Variants in CCR5AS observed in about 807,000 individuals in gnomAD.
The protein encoded by CCR5AS is CCR5 antisense RNA.
At chr3:46,400,820 A>G (rs1362733858) in intron 1 of CCR5AS, among the ~76,000 whole-genome samples, 1 of 152,210 alleles carries the variant, frequency 6.6e-6, no homozygotes, top group Non-Finnish European at 1.5e-5. Context: ...TGGAGCAGAG[A>G]GCAATGTAGT....
chr3:46,397,603 A>G (rs1701971812), intron 1 of CCR5AS, among the ~76,000 whole-genome samples: 1 of 152,188 alleles, frequency 6.6e-6, no homozygotes, highest in Non-Finnish European at 1.5e-5. Flanking sequence ...TCAGCCCACT[A>G]GACCCCATCA....
At chr3:46,370,396 G>A (rs1459759542) in intron 3 of CCR5AS, among the ~76,000 whole-genome samples, 1 of 152,108 alleles carries the variant, frequency 6.6e-6, no homozygotes, top group African/African-American at 2.4e-5. Context: ...GCATCTGTGT[G>A]GGGGTTGGGG....
At chr3:46,382,063 G>A (rs1701821950) in intron 2 of CCR5AS, among the ~76,000 whole-genome samples, 1 of 152,246 alleles carries the variant, frequency 6.6e-6, no homozygotes, top group African/African-American at 2.4e-5. Context: ...AAATTGAGCT[G>A]CAGACATAGA....
In CCR5AS at chr3:46,406,559, T is replaced by C. The variant is rs1284276736; in HGVS notation, n.163+338A>G. 2.0e-5 allele frequency among the ~76,000 whole-genome samples: 3 copies of C among 152,024 alleles called. No individual in the cohort carries two copies. The East Asian group carries it at 5.8e-4, about 29-fold the overall frequency. ...CAGCCTCAGTTTGGGGTTAAACTTG[T>C]CCTCCTCACATTCTCTCCCACCCAA... On this transcript the variant is annotated intron_variant and non_coding_transcript_variant, in intron 1 of 3. Coordinates refer to ENST00000451485, the Ensembl canonical transcript of CCR5AS.
intron 1 of CCR5AS, among the ~76,000 whole-genome samples, chr3:46,402,389 C>T (rs1042865574): frequency 6.6e-6 from 1 of 152,200 alleles, no homozygotes; most frequent in Non-Finnish European, 1.5e-5. Flanking sequence ...TTATTTACCT[C>T]TTTGATCTAC....
intron 2 of CCR5AS, among the ~76,000 whole-genome samples, chr3:46,383,360 T>A (rs1701831635): frequency 6.6e-6 from 1 of 152,184 alleles, no homozygotes; most frequent in Non-Finnish European, 1.5e-5. Flanking sequence ...AGCAGGCCAA[T>A]TCCCCACCCC....
rs530391503 is a variant in CCR5AS at position 46,398,937 on chromosome 3, T to C, written n.164-5885A>G. Among the ~76,000 whole-genome samples the C allele has an allele frequency of 2.0e-5, 3 of 152,322 alleles. No homozygotes were observed. In the South Asian group the frequency reaches 6.2e-4, roughly 32 times the overall value. Reference sequence around the variant, plus strand: ...AAAGCACCATGTTTCAACGTTTTGATGTAAGATTGTGCCCTATTTCTTGTT... The same window carrying C: ...AAAGCACCATGTTTCAACGTTTTGACGTAAGATTGTGCCCTATTTCTTGTT... On this transcript the variant is annotated intron_variant and non_coding_transcript_variant, in intron 1 of 3. Coordinates refer to ENST00000451485, the Ensembl canonical transcript of CCR5AS.
At chr3:46,386,212 G>C (rs112909402) in intron 2 of CCR5AS, among the ~76,000 whole-genome samples, 8,637 of 151,980 alleles carry the variant, frequency 0.057, 814 homozygotes, top group African/African-American at 0.2. Flanking sequence ...CACCCCACCC[G>C]ACCACACTCC....
At chr3:46,368,310 A>C (rs1701620479) in intron 3 of CCR5AS, among the ~76,000 whole-genome samples, 1 of 152,234 alleles carries the variant, frequency 6.6e-6, no homozygotes, top group African/African-American at 2.4e-5. Flanking sequence ...AGAGAACAAG[A>C]GCCATGCAAA....
At chr3:46,397,817 T>C (rs1218699054) in intron 1 of CCR5AS, among the ~76,000 whole-genome samples, 2 of 152,204 alleles carry the variant, frequency 1.3e-5, no homozygotes, top group Admixed American at 6.5e-5. Context: ...GGGCACTAAA[T>C]ATCTATGAGA....
At chr3:46,394,842 C>A (rs1188424845) in intron 1 of CCR5AS, among the ~76,000 whole-genome samples, 2 of 152,078 alleles carry the variant, frequency 1.3e-5, no homozygotes, top group African/African-American at 4.8e-5. Context: ...GGGGCTGGAA[C>A]CTGGGAAGGA....
At chr3:46,381,875 G>A (rs149684347) in intron 2 of CCR5AS, among the ~76,000 whole-genome samples, 87 of 152,312 alleles carry the variant, frequency 5.7e-4, no homozygotes, top group African/African-American at 1.5e-3. Flanking sequence ...GTGACTTAAC[G>A]TCTCTGGCTC....
chr3:46,391,361 T>C (rs1199841575), intron 2 of CCR5AS, among the ~76,000 whole-genome samples: 1 of 152,204 alleles, frequency 6.6e-6, no homozygotes, highest in Non-Finnish European at 1.5e-5. Flanking sequence ...TTTCTATTAT[T>C]GTACACCTTA....
At chr3:46,386,651 G>T (rs1030914885) in intron 2 of CCR5AS, among the ~76,000 whole-genome samples, 4 of 152,218 alleles carry the variant, frequency 2.6e-5, no homozygotes, top group African/African-American at 4.8e-5. Flanking sequence ...CACTGGTCTT[G>T]TTTATGTCCA....
At chr3:46,381,384 T>A (rs977437221) in intron 2 of CCR5AS, among the ~76,000 whole-genome samples, 1 of 152,210 alleles carries the variant, frequency 6.6e-6, no homozygotes, top group Non-Finnish European at 1.5e-5. Context: ...CAGGCAATGA[T>A]AATTCTGCAG....
intron 3 of CCR5AS, among the ~76,000 whole-genome samples, chr3:46,367,178 C>A (rs1419332870): frequency 6.6e-6 from 1 of 151,824 alleles, no homozygotes; most frequent in Non-Finnish European, 1.5e-5. Context: ...GCAAAAGGCA[C>A]CTTCTGAAGT....
chr3:46,372,918 T>C (rs1159424333), intron 2 of CCR5AS: 2 of 1,590,528 alleles, frequency 1.3e-6, no homozygotes, highest in Non-Finnish European at 1.7e-6. Flanking sequence ...TTATCAAGTG[T>C]CAAGTCCAAT....
intron 1 of CCR5AS, among the ~76,000 whole-genome samples, chr3:46,393,778 G>C (rs992570741): frequency 6.6e-6 from 1 of 152,212 alleles, no homozygotes; most frequent in Non-Finnish European, 1.5e-5. Flanking sequence ...GCCCCATGCT[G>C]GGCTATCAGA....
At chr3:46,375,180 T>A (rs1701735734) in intron 2 of CCR5AS, 1 of 167,086 alleles carries the variant, frequency 6.0e-6, no homozygotes, top group Non-Finnish European at 1.5e-5. Context: ...TTTCACTGAA[T>A]GCTTCTGACT....
Sources: allele counts gnomAD v4.1 joint callset (sites outside exome capture counted in the v4.1 genomes callset), GRCh38; gene constraint gnomAD v4.1.1; transcripts MANE v1.5; gene names NCBI Gene and HGNC (gene_info 2026-07-23, HGNC 2026-07-21).